GLI2: variants seen among roughly 807,000 people sequenced by gnomAD.
The protein encoded by GLI2 is GLI family zinc finger 2, also known as transcription activator GLI2.
GLI2 carries 22 observed loss-of-function variants against 78.9 expected under a neutral mutation model. The observed-to-expected ratio is 0.28, with a 90% CI of 0.20 to 0.40. The LOEUF is 0.40. Ranked by LOEUF, GLI2 falls within the 10% of genes least tolerant of loss-of-function variation. GLI2 has a pLI of 1.00. For missense variants in GLI2, 2,097 were observed against 2,213.2 expected, an observed-to-expected ratio of 0.95 and a Z score of 1.05; for synonymous variants, 974 against 963.7, an observed-to-expected ratio of 1.01 and a Z score of -0.20.
intron 2 of GLI2, among the ~76,000 whole-genome samples, chr2:120,897,331 C>T (rs1347797352): frequency 6.6e-6 from 1 of 152,230 alleles, no homozygotes; most frequent in Non-Finnish European, 1.5e-5. Flanking sequence ...TTCAGAGAAT[C>T]GTCTCTCAGT....
At chr2:120,832,145 G>A (rs1315973838) in intron 2 of GLI2, among the ~76,000 whole-genome samples, 1 of 152,192 alleles carries the variant, frequency 6.6e-6, no homozygotes, top group South Asian at 2.1e-4. Context: ...GTCCCACAAG[G>A]AGTCAGAGCC....
At chr2:120,972,743 G>C (rs187027385) in intron 8 of GLI2, 8 of 509,384 alleles carry the variant, frequency 1.6e-5, no homozygotes, top group South Asian at 8.6e-5. Context: ...GGCGTGGTGA[G>C]GGGGGAAGAC....
At chr2:120,820,031 G>C (rs1438657763) in intron 2 of GLI2, among the ~76,000 whole-genome samples, 1 of 152,164 alleles carries the variant, frequency 6.6e-6, no homozygotes, top group Non-Finnish European at 1.5e-5. Context: ...AAGGCCATGG[G>C]AACCTGGGGA....
chr2:120,843,357 C>T (rs1488981086), intron 2 of GLI2, among the ~76,000 whole-genome samples: 1 of 152,206 alleles, frequency 6.6e-6, no homozygotes, highest in Non-Finnish European at 1.5e-5. Flanking sequence ...CTGTTCAGAG[C>T]TGAGCCCATC....
chr2:120,857,074 G>A (rs1687679143), intron 2 of GLI2, among the ~76,000 whole-genome samples: 1 of 152,162 alleles, frequency 6.6e-6, no homozygotes, highest in African/African-American at 2.4e-5. Context: ...CTAAAGACCA[G>A]GGGAAGGCTT....
At chr2:120,920,561 T>G (rs978611211) in intron 2 of GLI2, among the ~76,000 whole-genome samples, 8 of 152,190 alleles carry the variant, frequency 5.3e-5, no homozygotes, top group Non-Finnish European at 1.0e-4. Flanking sequence ...CACACCAATG[T>G]CTGCTCGCCC....
intron 2 of GLI2, among the ~76,000 whole-genome samples, chr2:120,832,069 G>A (rs1686389367): frequency 6.6e-6 from 1 of 152,194 alleles, no homozygotes. Flanking sequence ...TACTTGCTTG[G>A]TGGAGAGGAA....
rs1573504992 is a variant in GLI2, at chr2:120,866,937, A to G, written c.149-60424A>G. 3.3e-5 allele frequency: 5 copies of G among 152,392 alleles called. No individual in the cohort carries two copies. In the South Asian group the frequency reaches 1.0e-3, roughly 32 times the overall value. The allele number at this position is 152,392 out of a possible 1,614,324, so 9.4% of individuals were successfully genotyped here. A position where few individuals can be genotyped will look rare whatever the true frequency, so the allele number is the denominator to read the frequency against. ...TGTGTGAGGAGCCACCTTCACCTGC[A>G]CTGCCCGCAGGGACTCCACTTCCAG... is the stretch of plus-strand genomic sequence containing the variant. On this transcript the variant is annotated intron_variant, in intron 2 of 13. Coordinates refer to ENST00000361492, the MANE Select transcript of GLI2 (RefSeq NM_001374353.1).
intron 1 of GLI2, among the ~76,000 whole-genome samples, chr2:120,792,596 C>T (rs1046685484): frequency 1.2e-4 from 19 of 152,156 alleles, no homozygotes; most frequent in African/African-American, 4.6e-4. Context: ...GTTAGATAGT[C>T]CTGCTTTAAC....
intron 5 of GLI2, among the ~76,000 whole-genome samples, chr2:120,961,845 A>G (rs1250274252): frequency 1.3e-5 from 2 of 152,190 alleles, no homozygotes; most frequent in Non-Finnish European, 2.9e-5. Context: ...TTTTCCTGAA[A>G]TGGAAAACCT....
At chr2:120,903,348 T>C (rs1377193637) in intron 2 of GLI2, among the ~76,000 whole-genome samples, 2 of 139,688 alleles carry the variant, frequency 1.4e-5, no homozygotes, top group African/African-American at 5.5e-5. Flanking sequence ...AGAGTGAGAC[T>C]CCATCTCAAA....
At chr2:120,862,916 C>T (rs528033295) in intron 2 of GLI2, among the ~76,000 whole-genome samples, 1 of 152,324 alleles carries the variant, frequency 6.6e-6, no homozygotes, top group Admixed American at 6.5e-5. Flanking sequence ...ATCTCTTTCC[C>T]TCCCTGGCTC....
chr2:120,801,985 AC>A (rs1684727445), intron 2 of GLI2, among the ~76,000 whole-genome samples: 1 of 152,094 alleles, frequency 6.6e-6, no homozygotes, highest in Admixed American at 6.5e-5. Context: ...TCCTACTGCT[AC>A]CCCAGGGTGA....
At chr2:120,918,371 T>G (rs1032120180) in intron 2 of GLI2, among the ~76,000 whole-genome samples, 1 of 152,070 alleles carries the variant, frequency 6.6e-6, no homozygotes, top group Non-Finnish European at 1.5e-5. Context: ...TTGTCACATC[T>G]GCTCAGAGAT....
chr2:120,752,633 C>G (rs1264998053), intron 1 of GLI2, among the ~76,000 whole-genome samples: 1 of 152,114 alleles, frequency 6.6e-6, no homozygotes, highest in Non-Finnish European at 1.5e-5. Context: ...TTAATAGGTT[C>G]AGAAAGCATG....
At chr2:120,743,245 G>T (rs1320083495) in intron 1 of GLI2, among the ~76,000 whole-genome samples, 6 of 152,140 alleles carry the variant, frequency 3.9e-5, no homozygotes, top group Admixed American at 1.3e-4. Context: ...AACTGTAACT[G>T]CCAGGTAGAG....
chr2:120,975,734 A>G (rs1167252793), intron 9 of GLI2, among the ~76,000 whole-genome samples: 1 of 152,120 alleles, frequency 6.6e-6, no homozygotes, highest in Non-Finnish European at 1.5e-5. Flanking sequence ...CCTCATTCCA[A>G]ACTCTCATAC....
chr2:120,776,558 G>T (rs1683682735), intron 1 of GLI2, among the ~76,000 whole-genome samples: 1 of 152,174 alleles, frequency 6.6e-6, no homozygotes, highest in Non-Finnish European at 1.5e-5. Flanking sequence ...GGGTCTGATT[G>T]GTTGGGGGCA....
intron 2 of GLI2, among the ~76,000 whole-genome samples, chr2:120,908,758 G>C (rs1678667540): frequency 6.6e-6 from 1 of 152,234 alleles, no homozygotes; most frequent in Non-Finnish European, 1.5e-5. Context: ...CCCAGCTCTA[G>C]CTTGTGTCAC....
Sources: allele counts gnomAD v4.1 joint callset (sites outside exome capture counted in the v4.1 genomes callset), GRCh38; gene constraint gnomAD v4.1.1; transcripts MANE v1.5; gene names NCBI Gene and HGNC (gene_info 2026-07-23, HGNC 2026-07-21).